The following ARHGAP32 variants were observed in gnomAD, a reference collection of about 807,000 sequenced individuals.
ARHGAP32 encodes the protein rho GTPase-activating protein 32.
Under a neutral mutation model 186.5 loss-of-function variants are expected in ARHGAP32, and 51 were observed. The observed-to-expected ratio is 0.27, with a 90% CI of 0.22 to 0.35. The LOEUF is 0.35. Among genes scored for constraint, ARHGAP32 ranks in the 10% least tolerant of loss-of-function variants. ARHGAP32 has a pLI of 1.00. For synonymous variants in ARHGAP32, 950 were observed against 964.3 expected (o/e 0.99, Z 0.27); for missense variants, 2,186 against 2,623.5 (o/e 0.83, Z 3.64).
At chr11:128,976,078 CATATAT>C (rs71472082) in intron 20 of ARHGAP32, among the ~76,000 whole-genome samples, 60 of 145,706 alleles carry the variant, frequency 4.1e-4, no homozygotes, top group African/African-American at 4.8e-4. Flanking sequence ...CTCTGTCTAA[CATATAT>C]ATATATATAT....
intron 6 of ARHGAP32, among the ~76,000 whole-genome samples, chr11:129,083,436 T>G (rs554756176): frequency 6.6e-6 from 1 of 151,832 alleles, no homozygotes; most frequent in Non-Finnish European, 1.5e-5. Context: ...CTGGATGGAG[T>G]TGAAGACCAT....
At chr11:129,066,042 T>A (rs1370468686) in intron 7 of ARHGAP32, among the ~76,000 whole-genome samples, 1 of 152,168 alleles carries the variant, frequency 6.6e-6, no homozygotes, top group Non-Finnish European at 1.5e-5. Flanking sequence ...TTTAAATCCA[T>A]TTCATGAATG....
At chr11:129,037,455 C>T (rs542797252) in intron 11 of ARHGAP32, among the ~76,000 whole-genome samples, 9 of 151,736 alleles carry the variant, frequency 5.9e-5, no homozygotes, top group Non-Finnish European at 8.8e-5. Flanking sequence ...ATCACACCAT[C>T]GCACTCCAGC....
chr11:129,273,480 A>G (rs1441696167), intron 1 of ARHGAP32, among the ~76,000 whole-genome samples: 1 of 152,208 alleles, frequency 6.6e-6, no homozygotes, highest in African/African-American at 2.4e-5. Context: ...ACTTGTCCAA[A>G]GTCACAAGCT....
intron 1 of ARHGAP32, among the ~76,000 whole-genome samples, chr11:129,273,132 C>G (rs1170081939): frequency 6.6e-6 from 1 of 152,158 alleles, no homozygotes; most frequent in Admixed American, 6.5e-5. Context: ...CTCAAACTGC[C>G]AGATCATTCC....
chr11:129,098,320 A>T (rs947077304), intron 5 of ARHGAP32, among the ~76,000 whole-genome samples: 3 of 152,200 alleles, frequency 2.0e-5, no homozygotes, highest in Non-Finnish European at 4.4e-5. Flanking sequence ...CTGTACAATG[A>T]TATGTAACTC....
Position 128,973,519 on chromosome 11 carries a change from T to C in ARHGAP32, c.3074-87A>G, listed in dbSNP as rs1945455256. The C allele has an allele frequency of 2.8e-6, 4 of 1,413,928 alleles. No homozygotes were observed. In the South Asian group the frequency reaches 4.0e-5, roughly 14 times the overall value. The allele number at this position is 1,413,928 out of a possible 1,614,324, so 87.6% of individuals were successfully genotyped here. A position where few individuals can be genotyped will look rare whatever the true frequency, so the allele number is the denominator to read the frequency against. On this transcript the variant is annotated intron_variant, in intron 21 of 22. Coordinates refer to ENST00000682385, the MANE Select transcript of ARHGAP32 (RefSeq NM_001378024.1). ...AAGCCAAACACTCCCCATGTGATCA[T>C]TAAAAAATAGGTGCCTTCCATATTT...
chr11:129,171,184 A>C (rs1943752073), intron 1 of ARHGAP32, among the ~76,000 whole-genome samples: 2 of 152,138 alleles, frequency 1.3e-5, no homozygotes, highest in Non-Finnish European at 2.9e-5. Flanking sequence ...ATTAGATCCC[A>C]TTTGTCAATT....
In ARHGAP32 at chr11:129,164,444, G is replaced by A. The variant is rs1214086045; in HGVS notation, c.117-17C>T. 25 of 1,359,426 alleles carry A rather than the reference G, an allele frequency of 1.8e-5. No individual in the cohort carries two copies. Among genetic ancestry groups the A allele is most frequent in the South Asian group, 6.7e-5 (5 of 74,996 alleles). 84.2% of individuals were successfully genotyped at this position (1,359,426 alleles called of 1,614,324 possible). A position where few individuals can be genotyped will look rare whatever the true frequency, so the allele number is the denominator to read the frequency against. ...TTCATCTTCCTAGAGATCAAAACAC[G>A]AAAGATTCTGATAAGAATTTCCAAT... On this transcript the variant is annotated splice_polypyrimidine_tract_variant and intron_variant, in intron 1 of 22. Coordinates refer to ENST00000682385, the MANE Select transcript of ARHGAP32 (RefSeq NM_001378024.1).
intron 12 of ARHGAP32, among the ~76,000 whole-genome samples, chr11:128,997,787 G>A (rs1008297377): frequency 4.6e-5 from 7 of 152,138 alleles, no homozygotes; most frequent in African/African-American, 1.7e-4. Flanking sequence ...CATGCCTGTA[G>A]TCCCAGTACT....
intron 1 of ARHGAP32, among the ~76,000 whole-genome samples, chr11:129,185,193 G>C (rs1441923785): frequency 6.6e-6 from 1 of 152,122 alleles, no homozygotes; most frequent in African/African-American, 2.4e-5. Flanking sequence ...CAAAGACTTG[G>C]AACCAACCCA....
Position 129,108,373 on chromosome 11 carries a change from C to T in ARHGAP32, c.445-14666G>A, listed in dbSNP as rs193263229. Reference sequence around the variant, plus strand: ...CTATACTAGTATCAGACAAAATAGACATTAGGACAAAAATGAACATTATAT... The same window carrying T: ...CTATACTAGTATCAGACAAAATAGATATTAGGACAAAAATGAACATTATAT... On this transcript the variant is annotated intron_variant, in intron 5 of 22. Coordinates refer to ENST00000682385, the MANE Select transcript of ARHGAP32 (RefSeq NM_001378024.1). Among the ~76,000 whole-genome samples, 226 of 152,160 alleles carry T rather than the reference C, an allele frequency of 1.5e-3. 1 individual carries two copies. Among genetic ancestry groups the T allele is most frequent in the African/African-American group, 5.0e-3 (209 of 41,510 alleles).
intron 6 of ARHGAP32, among the ~76,000 whole-genome samples, chr11:129,074,496 T>A (rs1032301138): frequency 1.3e-4 from 19 of 151,706 alleles, no homozygotes; most frequent in African/African-American, 2.9e-4. Flanking sequence ...AAAAAAAAAA[T>A]TTTTCTTCTT....
intron 1 of ARHGAP32, among the ~76,000 whole-genome samples, chr11:129,249,917 C>A (rs1481627505): frequency 6.6e-6 from 1 of 151,988 alleles, no homozygotes; most frequent in South Asian, 2.1e-4. Context: ...TAATGTTCCC[C>A]TTTAAGACTG....
intron 1 of ARHGAP32, among the ~76,000 whole-genome samples, chr11:129,209,336 G>A (rs1449678653): frequency 6.6e-6 from 1 of 151,876 alleles, no homozygotes; most frequent in East Asian, 1.9e-4. Flanking sequence ...GAGAGGAAAG[G>A]GGCTGGATGG....
Position 128,971,074 on chromosome 11 carries a change from C to A in ARHGAP32, c.4139G>T (p.Gly1380Val). 4 of 1,614,194 alleles carry A rather than the reference C, an allele frequency of 2.5e-6. No individual in the cohort carries two copies. The South Asian group carries it at 3.3e-5, about 13-fold the overall frequency. The change falls in exon 23 of 23, where the codon GGT becomes GTT. Residue 1380 changes from glycine to valine, a missense_variant. Gly to Val is a moderately radical substitution (Grantham distance 109, BLOSUM62 -3). Around this residue, in one of 5 missense-constraint regions of ARHGAP32, gnomAD observed 1,502 missense variants for 1,570.0 expected, o/e 0.96. Transcript: ENST00000682385. ...CATGGGACACTGAGCAGCAGCAGCA[C>A]CACTGTCACTGATGAAGGCAGACGC... ...DPASAFISDS[G>V]AAAAQCPMAT...
At position 129,073,785 on chromosome 11, in the gene ARHGAP32, A is replaced by C. The variant is rs73017248; in HGVS notation, c.532-6917T>G. The stretch of plus-strand genomic sequence containing the variant: ...AACAAACAAAAAACAACAACAACAA[A>C]AAAAAACCTTCAGCAAATCCAAGAT... On this transcript the variant is annotated intron_variant, in intron 6 of 22. Transcript: ENST00000682385. Among the ~76,000 whole-genome samples, 252 of 116,290 alleles carry C rather than the reference A, an allele frequency of 2.2e-3. 1 individual carries two copies. Among genetic ancestry groups the C allele is most frequent in the Middle Eastern group, 0.014 (3 of 218 alleles). The allele number at this position is 116,290 out of a possible 152,430, so 76.3% of individuals were successfully genotyped here. A position where few individuals can be genotyped will look rare whatever the true frequency, so the allele number is the denominator to read the frequency against.
At chr11:129,184,060 T>C (rs2135538721) in intron 1 of ARHGAP32, among the ~76,000 whole-genome samples, 1 of 152,236 alleles carries the variant, frequency 6.6e-6, no homozygotes, top group Non-Finnish European at 1.5e-5. Flanking sequence ...AGTGGTATCA[T>C]ACTGACCTAA....
At chr11:129,011,592 C>G (rs948665059) in intron 11 of ARHGAP32, among the ~76,000 whole-genome samples, 16 of 151,816 alleles carry the variant, frequency 1.1e-4, no homozygotes, top group Admixed American at 1.1e-3. Context: ...GGAGCATAGG[C>G]CAGAATAGAG....
Sources: allele counts gnomAD v4.1 joint callset (sites outside exome capture counted in the v4.1 genomes callset), GRCh38; gene constraint gnomAD v4.1.1; regional missense constraint gnomAD v4.1.1; transcripts MANE v1.5; gene names NCBI Gene and HGNC (gene_info 2026-07-23, HGNC 2026-07-21).